The following RPS6KA2 variants were observed in gnomAD, a reference collection of about 807,000 sequenced individuals.
RPS6KA2 encodes ribosomal protein S6 kinase alpha-2.
Under a neutral mutation model 91.8 loss-of-function variants are expected in RPS6KA2, and 42 were observed. The observed-to-expected ratio is 0.46, with a 90% CI of 0.36 to 0.59. RPS6KA2 has a LOEUF of 0.59. Among genes scored for constraint, RPS6KA2 ranks in the 20% least tolerant of loss-of-function variants. RPS6KA2 has a pLI of 0.00. For synonymous variants in RPS6KA2, 414 were observed against 393.6 expected (o/e 1.05, Z -0.61); for missense variants, 798 against 978.5 (o/e 0.82, Z 2.46).
At chr6:166,814,429 A>G (rs1421191276) in intron 2 of RPS6KA2, among the ~76,000 whole-genome samples, 1 of 152,246 alleles carries the variant, frequency 6.6e-6, no homozygotes, top group African/African-American at 2.4e-5. Flanking sequence ...TATTTAAAGC[A>G]AGAGTTCCCA....
rs1449948107 is a variant in RPS6KA2 at position 166,451,208 on chromosome 6, T to C, written c.1101A>G (p.Ala367=). The part of the protein sequence containing the change: ...PTDSPGVPPS[A]NAHHLFRGFS... ...ATCCTCTAAACAGGTGATGAGCGTT[T>C]GCACTCGGGGGGACGCCAGGAGAGT... The change falls in exon 13 of 21, where the codon GCA becomes GCG. Residue 367 remains alanine (A), a synonymous_variant. Transcript: ENST00000265678. 1.2e-6 allele frequency: 2 copies of C among 1,614,046 alleles called. No homozygotes were observed. The highest frequency in any genetic ancestry group is 1.7e-6 in the Non-Finnish European group (2 of 1,179,974).
chr6:166,605,885 G>A (rs1180765962), intron 1 of RPS6KA2, among the ~76,000 whole-genome samples: 1 of 152,232 alleles, frequency 6.6e-6, no homozygotes, highest in Admixed American at 6.5e-5. Flanking sequence ...GCTGCCCAGA[G>A]GCGCAGCAAC....
At chr6:166,429,840 G>A (rs1323158830) in intron 16 of RPS6KA2, among the ~76,000 whole-genome samples, 2 of 152,176 alleles carry the variant, frequency 1.3e-5, no homozygotes, top group African/African-American at 2.4e-5. Flanking sequence ...CCGTGTGTAT[G>A]TGAGATGCAC....
At chr6:166,596,531 T>C (rs1785539455) in intron 1 of RPS6KA2, among the ~76,000 whole-genome samples, 1 of 152,174 alleles carries the variant, frequency 6.6e-6, no homozygotes, top group African/African-American at 2.4e-5. Context: ...CTCCAAGTTC[T>C]TCAGTCTTTG....
chr6:166,723,316 C>T (rs1790233860), intron 2 of RPS6KA2, among the ~76,000 whole-genome samples: 1 of 152,232 alleles, frequency 6.6e-6, no homozygotes, highest in Non-Finnish European at 1.5e-5. Flanking sequence ...TGGCCTAGGC[C>T]CCCCAGATGG....
chr6:166,862,381 G>A (rs556410389), exon 1 of RPS6KA2: 4 of 1,402,286 alleles, frequency 2.9e-6, no homozygotes, highest in Non-Finnish European at 2.8e-6. Flanking sequence ...GACCCGGGGG[G>A]CTGCAATATG....
At chr6:166,837,858 G>T (rs979628048) in intron 2 of RPS6KA2, among the ~76,000 whole-genome samples, 1 of 152,248 alleles carries the variant, frequency 6.6e-6, no homozygotes. Flanking sequence ...TGTTTTACTT[G>T]GTTGGTTGTT....
chr6:166,588,904 T>C (rs1387473572), intron 1 of RPS6KA2, among the ~76,000 whole-genome samples: 1 of 152,078 alleles, frequency 6.6e-6, no homozygotes, highest in African/African-American at 2.4e-5. Flanking sequence ...TTCCAGCAAG[T>C]AGATGGAAAA....
chr6:166,700,824 AC>A (rs1430826042), intron 2 of RPS6KA2, among the ~76,000 whole-genome samples: 1 of 152,168 alleles, frequency 6.6e-6, no homozygotes, highest in Non-Finnish European at 1.5e-5. Context: ...TGAGACTACA[AC>A]AAAGGGAAGT....
intron 2 of RPS6KA2, among the ~76,000 whole-genome samples, chr6:166,531,585 C>T (rs1008540327): frequency 3.9e-5 from 6 of 152,194 alleles, no homozygotes; most frequent in Non-Finnish European, 4.4e-5. Flanking sequence ...GAAATAATAC[C>T]GCCCCTTGTT....
intron 2 of RPS6KA2, among the ~76,000 whole-genome samples, chr6:166,532,044 GA>G (rs1474349871): frequency 6.6e-5 from 10 of 152,154 alleles, no homozygotes; most frequent in African/African-American, 1.4e-4. Context: ...TTTTCCAATA[GA>G]TGCAAATATC....
At chr6:166,766,587 T>C (rs990500840) in intron 2 of RPS6KA2, among the ~76,000 whole-genome samples, 2 of 152,208 alleles carry the variant, frequency 1.3e-5, no homozygotes, top group Non-Finnish European at 2.9e-5. Context: ...GTACTGTTTT[T>C]TCCCCTAAAA....
chr6:166,420,062 A>G, intron 17 of RPS6KA2, 104 bp from the exon 18 acceptor site: 1 of 1,085,774 alleles, frequency 9.2e-7, no homozygotes, highest in Non-Finnish European at 1.4e-6. Context: ...GGGGACCAGG[A>G]GGAGGGCGGT....
At chr6:166,599,558 G>A (rs1295519411) in intron 1 of RPS6KA2, among the ~76,000 whole-genome samples, 4 of 152,208 alleles carry the variant, frequency 2.6e-5, no homozygotes, top group Non-Finnish European at 5.9e-5. Flanking sequence ...GGGGAAGCAC[G>A]AAGCTTCATG....
intron 2 of RPS6KA2, among the ~76,000 whole-genome samples, chr6:166,789,316 C>T (rs567780154): frequency 5.6e-4 from 85 of 152,210 alleles, no homozygotes; most frequent in Non-Finnish European, 9.6e-4. Flanking sequence ...GGGGGAGGGG[C>T]GCCCGCCATT....
chr6:166,820,229 C>T (rs1779873515), intron 2 of RPS6KA2, among the ~76,000 whole-genome samples: 1 of 152,194 alleles, frequency 6.6e-6, no homozygotes, highest in Admixed American at 6.5e-5. Flanking sequence ...TATGCTGTTA[C>T]CTGTGCAGGT....
chr6:166,781,563 T>C (rs7753589), intron 2 of RPS6KA2, among the ~76,000 whole-genome samples: 32,776 of 152,166 alleles, frequency 0.22, 4,353 homozygotes, highest in African/African-American at 0.37. Context: ...ACTGCATGCA[T>C]GCACCTAAGT....
intron 12 of RPS6KA2, among the ~76,000 whole-genome samples, chr6:166,452,973 G>A (rs756484360): frequency 6.6e-6 from 1 of 152,154 alleles, no homozygotes; most frequent in Non-Finnish European, 1.5e-5. Flanking sequence ...GCTGAGGCAG[G>A]TGGATCACTA....
chr6:166,722,658 G>C (rs1790212155), intron 2 of RPS6KA2, among the ~76,000 whole-genome samples: 1 of 152,210 alleles, frequency 6.6e-6, no homozygotes, highest in Admixed American at 6.5e-5. Context: ...TTTCTGATGG[G>C]GCTGCCCGAG....
Sources: gnomAD v4.1 joint callset for allele counts (sites outside exome capture counted in the v4.1 genomes callset) on GRCh38, gnomAD v4.1.1 for gene constraint, MANE v1.5 for transcripts, NCBI Gene and HGNC (gene_info 2026-07-23, HGNC 2026-07-21) for gene names.